The following WDPCP variants were observed in gnomAD, a reference collection of about 807,000 sequenced individuals.
WDPCP encodes the protein WD repeat-containing and planar cell polarity effector protein fritz homolog.
Under a neutral mutation model 93.1 loss-of-function variants are expected in WDPCP, and 71 were observed. The observed-to-expected ratio is 0.76, with a 90% confidence interval of 0.63 to 0.93. The LOEUF is 0.93. Among genes scored for constraint, WDPCP ranks in the 40% least tolerant of loss-of-function variants. WDPCP has a pLI of 0.00. For missense variants in WDPCP, 844 were observed against 887.4 expected (o/e 0.95, Z 0.62); for synonymous variants, 315 against 315.0 (o/e 1.00, Z 0.00).
intron 1 of WDPCP, among the ~76,000 whole-genome samples, chr2:63,526,839 CTTGA>C (rs1445969450): frequency 1.3e-5 from 2 of 152,124 alleles, no homozygotes; most frequent in African/African-American, 2.4e-5. Flanking sequence ...CCAGGATTAC[CTTGA>C]TTATTTCTTT....
chr2:63,630,527 G>A (rs559191000), intron 3 of WDPCP, among the ~76,000 whole-genome samples: 1 of 152,190 alleles, frequency 6.6e-6, no homozygotes, highest in South Asian at 2.1e-4. Flanking sequence ...CAGGGACAGA[G>A]AAGGCCTTTA....
chr2:63,158,372 T>A (rs1157644013), intron 15 of WDPCP, among the ~76,000 whole-genome samples: 1 of 152,198 alleles, frequency 6.6e-6, no homozygotes, highest in African/African-American at 2.4e-5. Context: ...GTGATCTCTA[T>A]CATTTTTTCT....
chr2:63,588,840 GT>G, upstream of WDPCP: 1 of 644,046 alleles, frequency 1.6e-6, no homozygotes, highest in Non-Finnish European at 2.7e-6. Context: ...GGGAAGTGTA[GT>G]TCAACACTTG....
At chr2:63,223,243 T>C (rs1390283508) in intron 14 of WDPCP, among the ~76,000 whole-genome samples, 2 of 152,170 alleles carry the variant, frequency 1.3e-5, no homozygotes, top group African/African-American at 4.8e-5. Flanking sequence ...TTTGACTAAA[T>C]TGGGCAATGC....
chr2:63,764,631 C>T (rs1240745297), intron 2 of WDPCP, among the ~76,000 whole-genome samples: 1 of 152,156 alleles, frequency 6.6e-6, no homozygotes, highest in African/African-American at 2.4e-5. Context: ...ACAAACACTA[C>T]ACACTGACAG....
chr2:63,476,702 A>G lies in WDPCP; in HGVS notation c.384+7902T>C, dbSNP rs531359214. Among the ~76,000 whole-genome samples, 3 of 152,320 alleles carry G rather than the reference A, an allele frequency of 2.0e-5. No homozygotes were observed. The East Asian group carries it at 5.8e-4, about 29-fold the overall frequency. ...ATAAATACTGTGTGATGAGTTTTGT[A>G]TAAATAATAAGCTATTATTAATAGT... On this transcript the variant is annotated intron_variant, in intron 6 of 17. Coordinates refer to ENST00000272321, the MANE Select transcript of WDPCP (RefSeq NM_015910.7).
At chr2:63,767,480 G>A (rs745428503) in intron 2 of WDPCP, among the ~76,000 whole-genome samples, 1 of 152,134 alleles carries the variant, frequency 6.6e-6, no homozygotes, top group Non-Finnish European at 1.5e-5. Context: ...GAGAGTTCCT[G>A]TTGTTCCATA....
chr2:63,627,004 A>G (rs196124), intron 3 of WDPCP, among the ~76,000 whole-genome samples: 120,150 of 151,388 alleles, frequency 0.79, 48,124 homozygotes, highest in East Asian at 0.98. Flanking sequence ...AGAGAATAAA[A>G]TATATAAATA....
intron 6 of WDPCP, among the ~76,000 whole-genome samples, chr2:63,458,885 T>C (rs1293868688): frequency 2.0e-5 from 3 of 152,054 alleles, no homozygotes; most frequent in Non-Finnish European, 4.4e-5. Flanking sequence ...AACAGACACA[T>C]AGATCAATGG....
chr2:63,439,100 A>G (rs1162533670), intron 7 of WDPCP, among the ~76,000 whole-genome samples: 1 of 152,058 alleles, frequency 6.6e-6, no homozygotes, highest in African/African-American at 2.4e-5. Context: ...ACCTTATACA[A>G]TTGTTTTCTT....
chr2:63,333,337 A>C (rs1371270377), intron 12 of WDPCP, among the ~76,000 whole-genome samples: 1 of 150,926 alleles, frequency 6.6e-6, no homozygotes, highest in Non-Finnish European at 1.5e-5. Context: ...TGAAATTGTC[A>C]TGCAAAGTCT....
At chr2:63,446,207 A>G (rs1697850838) in intron 6 of WDPCP, among the ~76,000 whole-genome samples, 1 of 152,184 alleles carries the variant, frequency 6.6e-6, no homozygotes, top group African/African-American at 2.4e-5. Context: ...ACCAGTACCC[A>G]TCTGTGGCCT....
At chr2:63,212,729 C>T (rs769627670) in intron 14 of WDPCP, among the ~76,000 whole-genome samples, 35 of 151,164 alleles carry the variant, frequency 2.3e-4, no homozygotes, top group Non-Finnish European at 3.2e-4. Context: ...ACCCATTTCA[C>T]GTTCAGAGAC....
rs1400134189 is a variant in WDPCP, at chr2:63,670,801, G to A, written n.309-19963C>T. Among the ~76,000 whole-genome samples the A allele has an allele frequency of 5.9e-5, 9 of 152,028 alleles. No homozygotes were observed. The South Asian group carries it at 6.2e-4, about 11-fold the overall frequency. Reference sequence around the variant, plus strand: ...CTCACCTTCAGACCAAGTTAACATCGTAAATAACAAGGGTAGCAATCTCTT... The same window carrying A: ...CTCACCTTCAGACCAAGTTAACATCATAAATAACAAGGGTAGCAATCTCTT... On this transcript the variant is annotated intron_variant and non_coding_transcript_variant, in intron 2 of 4. Transcript: ENST00000467687.
upstream of WDPCP, chr2:63,589,292 A>G: frequency 6.4e-7 from 1 of 1,550,800 alleles, no homozygotes; most frequent in Non-Finnish European, 8.7e-7. Flanking sequence ...CTGGGAGAGG[A>G]GCGATCTTAA....
At chr2:63,777,380 C>A (rs1251877723) in intron 2 of WDPCP, among the ~76,000 whole-genome samples, 3 of 152,136 alleles carry the variant, frequency 2.0e-5, no homozygotes, top group Admixed American at 2.0e-4. Flanking sequence ...AATGTCACAG[C>A]CATTTTGGAA....
chr2:63,211,378 G>A (rs867404850), intron 14 of WDPCP, among the ~76,000 whole-genome samples: 7 of 152,300 alleles, frequency 4.6e-5, no homozygotes, highest in Non-Finnish European at 7.3e-5. Flanking sequence ...AGCAAACTCC[G>A]ACAGACCTGC....
chr2:63,210,264 A>G (rs573073716), intron 14 of WDPCP, among the ~76,000 whole-genome samples: 3 of 152,320 alleles, frequency 2.0e-5, no homozygotes, highest in South Asian at 2.1e-4. Flanking sequence ...CAAGTTTGGC[A>G]GTAGACCCTT....
chr2:63,755,779 A>G lies in WDPCP; in HGVS notation n.308+57843T>C, dbSNP rs77411673. On this transcript the variant is annotated intron_variant and non_coding_transcript_variant, in intron 2 of 4. Transcript: ENST00000467687. Reference sequence around the variant, plus strand: ...AATAGTGCAAAAAATACTAATGTCCATTAGTGAAATCCAAGACACATATAC... The same window carrying G: ...AATAGTGCAAAAAATACTAATGTCCGTTAGTGAAATCCAAGACACATATAC... Among the ~76,000 whole-genome samples the G allele has an allele frequency of 3.9e-5, 6 of 152,350 alleles. No individual in the cohort carries two copies. The East Asian group carries it at 1.2e-3, about 29-fold the overall frequency.
Sources: gnomAD v4.1 joint callset for allele counts (sites outside exome capture counted in the v4.1 genomes callset) on GRCh38, gnomAD v4.1.1 for gene constraint, MANE v1.5 for transcripts, NCBI Gene and HGNC (gene_info 2026-07-23, HGNC 2026-07-21) for gene names.